The following ST8SIA5 variants were observed in gnomAD, a reference collection of about 807,000 sequenced individuals.
ST8SIA5 encodes the protein ST8 alpha-N-acetyl-neuraminide alpha-2,8-sialyltransferase 5, also known as alpha-2,8-sialyltransferase 8E.
Under a neutral mutation model 40.2 loss-of-function variants are expected in ST8SIA5, and 24 were observed. The ratio of observed to expected loss-of-function variants is 0.60; its 90% CI spans 0.43 to 0.84. The LOEUF (loss-of-function observed/expected upper bound fraction) is 0.84, where lower values mean the gene tolerates loss of function less well. ST8SIA5 is among the 40% of genes least tolerant of loss of function. The pLI is 0.00. For missense variants in ST8SIA5, 465 were observed against 498.5 expected, an observed-to-expected ratio of 0.93 and a Z score of 0.64; for synonymous variants, 198 against 201.8, an observed-to-expected ratio of 0.98 and a Z score of 0.16.
At chr18:46,693,103 G>A (rs2039524016) in intron 2 of ST8SIA5, among the ~76,000 whole-genome samples, 1 of 151,832 alleles carries the variant, frequency 6.6e-6, no homozygotes, top group Non-Finnish European at 1.5e-5. Flanking sequence ...CTGTTTCTAG[G>A]GATCTGTGAG....
intron 1 of ST8SIA5, among the ~76,000 whole-genome samples, chr18:46,710,512 T>C: frequency 7.0e-6 from 1 of 142,606 alleles, no homozygotes; most frequent in Non-Finnish European, 1.5e-5. Context: ...CCTTCCCTTC[T>C]CCTTCCTTCC....
At chr18:46,688,956 C>A in intron 3 of ST8SIA5, 37 bp from the exon 4 acceptor site, 1 of 1,591,716 alleles carries the variant, frequency 6.3e-7, no homozygotes, top group Non-Finnish European at 8.5e-7. Flanking sequence ...AGACGTGATG[C>A]AGGAAAGATG....
intron 4 of ST8SIA5, among the ~76,000 whole-genome samples, chr18:46,687,184 C>T (rs577052460): frequency 6.6e-6 from 1 of 152,282 alleles, no homozygotes; most frequent in South Asian, 2.1e-4. Context: ...TTGGAAACAA[C>T]CCAAAGAAGA....
intron 2 of ST8SIA5, among the ~76,000 whole-genome samples, chr18:46,701,330 A>T (rs1374976722): frequency 2.0e-5 from 3 of 151,744 alleles, no homozygotes; most frequent in Non-Finnish European, 4.4e-5. Context: ...TAGTAGAGAC[A>T]GGGTTTCACC....
chr18:46,739,805 G>T (rs148513161), intron 1 of ST8SIA5, among the ~76,000 whole-genome samples: 4 of 152,290 alleles, frequency 2.6e-5, no homozygotes, highest in Non-Finnish European at 5.9e-5. Flanking sequence ...TTTGAGAATT[G>T]CCACAGGTGA....
At chr18:46,695,516 G>C (rs1211731659) in intron 2 of ST8SIA5, among the ~76,000 whole-genome samples, 2 of 152,120 alleles carry the variant, frequency 1.3e-5, no homozygotes, top group Non-Finnish European at 2.9e-5. Flanking sequence ...TAATTAAATA[G>C]GATGATGTGA....
intron 1 of ST8SIA5, among the ~76,000 whole-genome samples, chr18:46,719,050 C>G (rs73433076): frequency 0.022 from 3,355 of 152,240 alleles, 113 homozygotes; most frequent in African/African-American, 0.077. Context: ...AGTCCTTCAA[C>G]TAGGGGGGTA....
At chr18:46,683,847 C>T (rs529273945) in intron 5 of ST8SIA5, among the ~76,000 whole-genome samples, 1 of 152,118 alleles carries the variant, frequency 6.6e-6, no homozygotes, top group African/African-American at 2.4e-5. Flanking sequence ...CCTTGGGTGG[C>T]AGATATTAGG....
chr18:46,725,626 A>G (rs950078443), intron 1 of ST8SIA5, among the ~76,000 whole-genome samples: 1 of 152,174 alleles, frequency 6.6e-6, no homozygotes, highest in African/African-American at 2.4e-5. Flanking sequence ...TTACTTTTGT[A>G]GGTGGAATTA....
intron 1 of ST8SIA5, among the ~76,000 whole-genome samples, chr18:46,714,351 A>G (rs913707747): frequency 2.6e-5 from 4 of 152,034 alleles, no homozygotes; most frequent in African/African-American, 9.7e-5. Flanking sequence ...CTTCTTTCCC[A>G]TTCTCATGCC....
chr18:46,739,130 G>A (rs1323896521), intron 1 of ST8SIA5, among the ~76,000 whole-genome samples: 2 of 152,312 alleles, frequency 1.3e-5, no homozygotes, highest in Admixed American at 6.5e-5. Flanking sequence ...AAAGAACACC[G>A]TGGGCTGAGA....
rs1326471802 is a variant in ST8SIA5 at position 46,675,988 on chromosome 18, C to T, written c.*4054G>A. On this transcript the variant is annotated 3_prime_UTR_variant, in exon 7 of 7. Coordinates refer to ENST00000315087, the MANE Select transcript of ST8SIA5 (RefSeq NM_013305.6). Reference sequence around the variant, plus strand: ...GGGAGGATCACTTGAACCCAGGTGTCGAGGCTGCAGTGAGCCATATTTATA... The same window carrying T: ...GGGAGGATCACTTGAACCCAGGTGTTGAGGCTGCAGTGAGCCATATTTATA... 1 of 152,038 alleles carries T rather than the reference C, an allele frequency of 6.6e-6. No homozygotes were observed. Among genetic ancestry groups the T allele is most frequent in the Non-Finnish European group, 1.5e-5 (1 of 68,014 alleles). The allele number at this position is 152,038 out of a possible 1,614,324, so 9.4% of individuals were successfully genotyped here.
chr18:46,740,064 A>G (rs1276450125), intron 1 of ST8SIA5, among the ~76,000 whole-genome samples: 4 of 152,212 alleles, frequency 2.6e-5, no homozygotes, highest in Admixed American at 2.6e-4. Context: ...TAAACATCCT[A>G]CACTCTAATC....
intron 1 of ST8SIA5, among the ~76,000 whole-genome samples, chr18:46,751,442 G>A (rs1157388100): frequency 2.0e-5 from 3 of 151,738 alleles, no homozygotes; most frequent in Admixed American, 1.3e-4. Flanking sequence ...TGTCACCCAG[G>A]CTGGAGTGCA....
chr18:46,756,878 G>A lies in ST8SIA5; in HGVS notation c.-370C>T. On this transcript the variant is annotated 5_prime_UTR_variant, in exon 1 of 7. Coordinates refer to ENST00000315087, the MANE Select transcript of ST8SIA5 (RefSeq NM_013305.6). Reference sequence around the variant, plus strand: ...CCCTCCCGCCGAGGTGGCGGCCAATGGGGAGCAAGACCCGGGCTCCGTCCC... The same window carrying A: ...CCCTCCCGCCGAGGTGGCGGCCAATAGGGAGCAAGACCCGGGCTCCGTCCC... 1 of 238,290 alleles carries A rather than the reference G, an allele frequency of 4.2e-6. No individual in the cohort carries two copies. The highest frequency in any genetic ancestry group is 8.1e-6 in the Non-Finnish European group (1 of 123,684). The allele number at this position is 238,290 out of a possible 1,614,324, so 14.8% of individuals were successfully genotyped here. A position where few individuals can be genotyped will look rare whatever the true frequency, so the allele number is the denominator to read the frequency against.
intron 1 of ST8SIA5, among the ~76,000 whole-genome samples, chr18:46,752,031 T>C (rs1171467633): frequency 3.3e-5 from 5 of 152,096 alleles, no homozygotes; most frequent in Non-Finnish European, 5.9e-5. Flanking sequence ...TTCTCAGGAA[T>C]TGGGCCCTGC....
In ST8SIA5 at chr18:46,756,398, A is replaced by G; in HGVS notation, c.111T>C (p.Tyr37=). ...CTTACCTCTTAATGTAGTTCCTGCC[A>G]TACAGGATCTGTTGCAGCAAGGTCA... The part of the protein sequence containing the change: ...ALVTLLQQIL[Y]GRNYIKRYFE... Residue 37 remains tyrosine, a synonymous_variant, in exon 1 of 7, where the codon TAT becomes TAC. Coordinates refer to ENST00000315087, the MANE Select transcript of ST8SIA5 (RefSeq NM_013305.6). 2 of 1,612,880 alleles carry G rather than the reference A, an allele frequency of 1.2e-6. No individual in the cohort carries two copies. The highest frequency in any genetic ancestry group is 1.7e-6 in the Non-Finnish European group (2 of 1,179,186).
rs952736576 is a variant in ST8SIA5 at position 46,745,249 on chromosome 18, A to T, written c.131+11129T>A. Among the ~76,000 whole-genome samples, 5 of 152,262 alleles carry T rather than the reference A, an allele frequency of 3.3e-5. No homozygotes were observed. The East Asian group carries it at 9.6e-4, about 29-fold the overall frequency. ...ACTGAAGGAGATAGAGACACAAAAAACCCTTCAAAAAATCAACAAATCCAG... is the reference window on the plus strand; with the variant it reads ...ACTGAAGGAGATAGAGACACAAAAATCCCTTCAAAAAATCAACAAATCCAG... On this transcript the variant is annotated intron_variant, in intron 1 of 6. Coordinates refer to ENST00000315087, the MANE Select transcript of ST8SIA5 (RefSeq NM_013305.6).
intron 1 of ST8SIA5, among the ~76,000 whole-genome samples, chr18:46,718,767 A>G (rs186772488): frequency 3.3e-5 from 5 of 152,260 alleles, no homozygotes; most frequent in Admixed American, 6.5e-5. Flanking sequence ...CCACACAACT[A>G]TAGATAGCAA....
Sources: gnomAD v4.1 joint callset for allele counts (sites outside exome capture counted in the v4.1 genomes callset) on GRCh38, gnomAD v4.1.1 for gene constraint, MANE v1.5 for transcripts, NCBI Gene and HGNC (gene_info 2026-07-23, HGNC 2026-07-21) for gene names.